NEK5: variants seen among roughly 807,000 people sequenced by gnomAD.
NEK5 encodes the protein serine/threonine-protein kinase Nek5.
In NEK5, 88 loss-of-function variants were observed where a neutral mutation model predicts 109.2. The ratio of observed to expected loss-of-function variants is 0.81; its 90% CI spans 0.68 to 0.96. NEK5 has a LOEUF of 0.96. NEK5 is among the 40% of genes least tolerant of loss of function. The pLI is 0.00. For synonymous variants in NEK5, 283 were observed against 299.9 expected, an observed-to-expected ratio of 0.94 and a Z score of 0.58; for missense variants, 834 against 920.7, an observed-to-expected ratio of 0.91 and a Z score of 1.22.
At chr13:52,043,465 A>G (rs1954430827) in intron 23 of NEK5, among the ~76,000 whole-genome samples, 1 of 147,368 alleles carries the variant, frequency 6.8e-6, no homozygotes, top group African/African-American at 2.5e-5. Context: ...TGAACCCCGG[A>G]GGCAGAGGTT....
At chr13:52,089,138 A>T in intron 14 of NEK5, 109 bp downstream of exon 14, 1 of 696,844 alleles carries the variant, frequency 1.4e-6, no homozygotes, top group Non-Finnish European at 2.5e-6. Flanking sequence ...GGGGACTAGT[A>T]GAGAGTATTC....
chr13:52,078,592 G>GTT (rs10634598), intron 17 of NEK5, among the ~76,000 whole-genome samples: 61,952 of 149,206 alleles, frequency 0.42, 14,494 homozygotes, highest in Middle Eastern at 0.53. Flanking sequence ...CAATAAAACT[G>GTT]TTTTTTTTTT....
At chr13:52,091,537 C>T (rs1955283697) in intron 13 of NEK5, among the ~76,000 whole-genome samples, 1 of 152,152 alleles carries the variant, frequency 6.6e-6, no homozygotes, top group African/African-American at 2.4e-5. Flanking sequence ...TCTTGCTTAT[C>T]TCATTTTCAC....
intron 22 of NEK5, among the ~76,000 whole-genome samples, chr13:52,053,853 C>T (rs1293331914): frequency 6.6e-6 from 1 of 152,246 alleles, no homozygotes; most frequent in Admixed American, 6.5e-5. Context: ...CATCTCCCCA[C>T]TGCTAGCGCT....
At chr13:52,097,888 G>GA (rs1955449589) in intron 12 of NEK5, among the ~76,000 whole-genome samples, 11 of 152,122 alleles carry the variant, frequency 7.2e-5, no homozygotes, top group Non-Finnish European at 2.9e-5. Flanking sequence ...GTTGGAGGAG[G>GA]GGCCTGGTGG....
At chr13:52,073,775 A>G (rs1354197622) in intron 19 of NEK5, among the ~76,000 whole-genome samples, 1 of 152,172 alleles carries the variant, frequency 6.6e-6, no homozygotes, top group African/African-American at 2.4e-5. Context: ...ACTTCAGCAA[A>G]GTTTCAGGAT....
At chr13:52,099,930 A>G in intron 11 of NEK5, 54 bp from the exon 12 acceptor site, 1 of 1,311,994 alleles carries the variant, frequency 7.6e-7, no homozygotes, top group Non-Finnish European at 1.1e-6. Flanking sequence ...TACACCATTA[A>G]TACTGATACT....
At chr13:52,118,895 TCTC>T (rs1315648900) in intron 4 of NEK5, among the ~76,000 whole-genome samples, 2 of 152,122 alleles carry the variant, frequency 1.3e-5, no homozygotes, top group Non-Finnish European at 2.9e-5. Context: ...TTTCCCCTCT[TCTC>T]TTGCTTATGA....
intron 23 of NEK5, among the ~76,000 whole-genome samples, chr13:52,038,776 G>A (rs1182420285): frequency 7.7e-6 from 1 of 130,632 alleles, no homozygotes; most frequent in African/African-American, 2.8e-5. Context: ...AATGAGCTAT[G>A]ATCATGCCAC....
At chr13:52,065,090 TC>T in intron 21 of NEK5, 1 of 243,984 alleles carries the variant, frequency 4.1e-6, no homozygotes, top group Non-Finnish European at 8.2e-6. Context: ...CAAATCCCCC[TC>T]TGCGAGAAAC....
chr13:52,119,259 T>C, intron 4 of NEK5, 60 bp downstream of exon 4: 1 of 878,734 alleles, frequency 1.1e-6, no homozygotes, highest in Middle Eastern at 2.9e-4. Flanking sequence ...CAAATCTTTT[T>C]ACATATGTCA....
Position 52,075,837 on chromosome 13 carries a change from GCA to G in NEK5, c.1654-13_1654-12del. The G allele has an allele frequency of 1.7e-6, 2 of 1,203,724 alleles. No homozygotes were observed. Among genetic ancestry groups the G allele is most frequent in the Non-Finnish European group, 2.2e-6 (2 of 894,518 alleles). The allele number at this position is 1,203,724 out of a possible 1,614,324, so 74.6% of individuals were successfully genotyped here. A position where few individuals can be genotyped will look rare whatever the true frequency, so the allele number is the denominator to read the frequency against. On this transcript the variant is annotated splice_polypyrimidine_tract_variant and intron_variant, in intron 18 of 23. Coordinates refer to ENST00000684899, the MANE Select transcript of NEK5 (RefSeq NM_001365552.1). ...AAATTTTACCCCCTTCTAGGAGAAA[GCA>G]AAAAAAAAAAAAAAGTTTAGCAATT...
chr13:52,038,819 T>A (rs1954389392), intron 23 of NEK5, among the ~76,000 whole-genome samples: 2 of 94,504 alleles, frequency 2.1e-5, no homozygotes, highest in Admixed American at 1.3e-4. Flanking sequence ...AGCAAGACAC[T>A]CATCTGAAAA....
chr13:52,052,564 G>T (rs1954516804), intron 22 of NEK5, among the ~76,000 whole-genome samples: 1 of 152,184 alleles, frequency 6.6e-6, no homozygotes. Flanking sequence ...GGGGACCCAG[G>T]ATTCAATATA....
intron 8 of NEK5, 64 bp from the exon 9 acceptor site, chr13:52,104,616 C>A: frequency 1.9e-6 from 2 of 1,069,324 alleles, no homozygotes; most frequent in Admixed American, 3.9e-5. Flanking sequence ...AGCTTTTATC[C>A]TTACAGTGCC....
chr13:52,108,510 AT>A (rs1171403975), intron 7 of NEK5, 106 bp from the exon 8 acceptor site: 16 of 654,052 alleles, frequency 2.4e-5, no homozygotes, highest in Non-Finnish European at 4.3e-5. Context: ...ATAACACAAG[AT>A]TTGATGCATA....
intron 17 of NEK5, chr13:52,082,356 A>G (rs1452405893): frequency 1.7e-6 from 2 of 1,194,490 alleles, no homozygotes; most frequent in Admixed American, 3.4e-5. Flanking sequence ...GGGCCAAATC[A>G]TTGAGAATCT....
At chr13:52,110,841 A>G (rs1328045607) in intron 5 of NEK5, among the ~76,000 whole-genome samples, 1 of 152,212 alleles carries the variant, frequency 6.6e-6, no homozygotes, top group African/African-American at 2.4e-5. Flanking sequence ...GCAGAAAAAG[A>G]TAAGTAGAAG....
At chr13:52,063,143 T>C (rs1004435299) in intron 21 of NEK5, among the ~76,000 whole-genome samples, 3 of 152,122 alleles carry the variant, frequency 2.0e-5, no homozygotes, top group Non-Finnish European at 1.5e-5. Flanking sequence ...GACTGTACTG[T>C]TGCCATCTCG....
Sources: allele counts gnomAD v4.1 joint callset (sites outside exome capture counted in the v4.1 genomes callset), GRCh38; gene constraint gnomAD v4.1.1; transcripts MANE v1.5; gene names NCBI Gene and HGNC (gene_info 2026-07-23, HGNC 2026-07-21).